The following SGCD variants were observed in gnomAD, a reference collection of about 807,000 sequenced individuals.
SGCD encodes sarcoglycan delta, also known as delta-sarcoglycan.
Under a neutral mutation model 36.6 loss-of-function variants are expected in SGCD, and 18 were observed. The observed-to-expected ratio is 0.49, with a 90% CI of 0.34 to 0.73. SGCD has a LOEUF of 0.73. SGCD is among the 30% of genes least tolerant of loss of function. SGCD has a pLI of 0.01. For missense variants in SGCD, 387 were observed against 346.7 expected (o/e 1.12, Z -0.92); for synonymous variants, 133 against 130.6 (o/e 1.02, Z -0.12).
intron 3 of SGCD, among the ~76,000 whole-genome samples, chr5:156,285,755 T>C (rs1322449367): frequency 9.9e-5 from 15 of 152,278 alleles, no homozygotes; most frequent in Admixed American, 8.5e-4. Flanking sequence ...ATTCAGGACA[T>C]AGGCATGGGC....
intron 3 of SGCD, among the ~76,000 whole-genome samples, chr5:156,207,893 G>T (rs1403325130): frequency 4.6e-5 from 7 of 151,940 alleles, no homozygotes; most frequent in Admixed American, 4.6e-4. Context: ...TTAAAATTGA[G>T]GTGAAAAGCA....
At chr5:156,583,980 G>T (rs1760388646) in intron 4 of SGCD, among the ~76,000 whole-genome samples, 1 of 152,154 alleles carries the variant, frequency 6.6e-6, no homozygotes, top group Non-Finnish European at 1.5e-5. Context: ...AATGTTGATA[G>T]AAGAAAATAT....
intron 4 of SGCD, among the ~76,000 whole-genome samples, chr5:156,576,303 T>G (rs1303455581): frequency 6.6e-6 from 1 of 152,220 alleles, no homozygotes; most frequent in Admixed American, 6.5e-5. Context: ...ATGTGCCACA[T>G]TTTCTTCATC....
At chr5:156,356,608 A>G (rs1292355459) in intron 3 of SGCD, among the ~76,000 whole-genome samples, 3 of 152,158 alleles carry the variant, frequency 2.0e-5, no homozygotes, top group Non-Finnish European at 4.4e-5. Context: ...CCACTTCTTC[A>G]TGGGGGAATT....
intron 3 of SGCD, among the ~76,000 whole-genome samples, chr5:156,292,216 C>G (rs935506553): frequency 6.6e-6 from 1 of 151,996 alleles, no homozygotes; most frequent in Non-Finnish European, 1.5e-5. Context: ...GCATTACTAC[C>G]ACTTGTCTCC....
At chr5:156,273,674 T>C (rs1387787392) in intron 3 of SGCD, among the ~76,000 whole-genome samples, 1 of 152,178 alleles carries the variant, frequency 6.6e-6, no homozygotes. Flanking sequence ...ATATTTGCTA[T>C]GCGGGACACT....
intron 1 of SGCD, among the ~76,000 whole-genome samples, chr5:155,912,658 G>A (rs1015182624): frequency 2.0e-5 from 3 of 152,052 alleles, no homozygotes; most frequent in Non-Finnish European, 4.4e-5. Flanking sequence ...TCATTACATG[G>A]CTTTCATTTT....
chr5:156,225,968 G>A (rs1334575559), intron 3 of SGCD, among the ~76,000 whole-genome samples: 1 of 152,016 alleles, frequency 6.6e-6, no homozygotes, highest in African/African-American at 2.4e-5. Context: ...AAAGCTGTTG[G>A]GCATATGGAT....
In SGCD at chr5:155,920,415, G is replaced by C. The variant is rs78550320; in HGVS notation, c.-282+49991G>C. ...GAAAAGGAGGAGAAGGGAGTTTATA[G>C]GGGAGTATGATGTTTTCTTGTGGTG... On this transcript the variant is annotated intron_variant, in intron 1 of 9. Coordinates refer to the SGCD transcript ENST00000517913. Among the ~76,000 whole-genome samples the C allele has an allele frequency of 3.3e-5, 5 of 152,264 alleles. No individual in the cohort carries two copies. The East Asian group carries it at 9.7e-4, about 29-fold the overall frequency.
At chr5:155,909,581 C>A (rs1756589930) in intron 1 of SGCD, among the ~76,000 whole-genome samples, 1 of 152,072 alleles carries the variant, frequency 6.6e-6, no homozygotes, top group Non-Finnish European at 1.5e-5. Flanking sequence ...AGAACCAAAG[C>A]AGAGATTATA....
intron 3 of SGCD, among the ~76,000 whole-genome samples, chr5:156,203,913 A>G (rs978952270): frequency 1.3e-5 from 2 of 152,078 alleles, no homozygotes; most frequent in African/African-American, 2.4e-5. Flanking sequence ...AATTTTTCCA[A>G]GTTGGAAAAT....
intron 1 of SGCD, among the ~76,000 whole-genome samples, chr5:156,110,125 T>G (rs1761748431): frequency 6.6e-6 from 1 of 152,156 alleles, no homozygotes; most frequent in South Asian, 2.1e-4. Context: ...AGTGCTGTGG[T>G]TACAAGTGTG....
intron 3 of SGCD, among the ~76,000 whole-genome samples, chr5:156,440,061 G>T (rs1580995543): frequency 6.6e-6 from 1 of 152,212 alleles, no homozygotes; most frequent in African/African-American, 2.4e-5. Context: ...TTGTCTAGCT[G>T]CCATCTCCAT....
At chr5:156,458,731 A>G (rs961315904) in intron 3 of SGCD, among the ~76,000 whole-genome samples, 1 of 152,244 alleles carries the variant, frequency 6.6e-6, no homozygotes, top group Non-Finnish European at 1.5e-5. Context: ...CATCACCAAC[A>G]TCACGATCAT....
At chr5:156,521,960 G>T (rs7700916) in intron 4 of SGCD, among the ~76,000 whole-genome samples, 35,560 of 152,074 alleles carry the variant, frequency 0.23, 4,765 homozygotes, top group Non-Finnish European at 0.31. Context: ...GCCCATCAGT[G>T]GTAGACTGGA....
chr5:156,623,692 T>C (rs1233433630), intron 6 of SGCD, among the ~76,000 whole-genome samples: 4 of 152,202 alleles, frequency 2.6e-5, no homozygotes, highest in Admixed American at 2.6e-4. Context: ...TGCATTTAAC[T>C]AAACAAAGGA....
chr5:156,687,010 T>G (rs939723620), intron 7 of SGCD, among the ~76,000 whole-genome samples: 4 of 152,250 alleles, frequency 2.6e-5, no homozygotes, highest in African/African-American at 9.6e-5. Flanking sequence ...TGACCATCCA[T>G]CAGAGGCACC....
chr5:156,062,075 C>T (rs1345936952), intron 1 of SGCD, among the ~76,000 whole-genome samples: 1 of 77,938 alleles, frequency 1.3e-5, no homozygotes, highest in Admixed American at 1.2e-4. Flanking sequence ...AATGCTATCC[C>T]TCCCCCCTCC....
the SGCD span, among the ~76,000 whole-genome samples, chr5:155,852,748 A>G: frequency 6.6e-6 from 1 of 152,154 alleles, no homozygotes; most frequent in Non-Finnish European, 1.5e-5. Flanking sequence ...GGCGGGTTAT[A>G]TGCTTTAGCG....
Sources: allele counts gnomAD v4.1 joint callset (sites outside exome capture counted in the v4.1 genomes callset), GRCh38; gene constraint gnomAD v4.1.1; transcripts MANE v1.5; gene names NCBI Gene and HGNC (gene_info 2026-07-23, HGNC 2026-07-21).